The following LACTBL1 variants were observed in gnomAD, a reference collection of about 807,000 sequenced individuals.
LACTBL1 encodes the protein lactamase beta like 1.
In LACTBL1, 29 loss-of-function variants were observed where a neutral mutation model predicts 39.6. That is an observed-to-expected ratio of 0.73 (90% CI 0.55 to 1.00). LACTBL1 has a LOEUF of 1.00. LACTBL1 is among the 50% of genes least tolerant of loss of function. The pLI, the probability that LACTBL1 is intolerant of heterozygous loss-of-function variation, is 0.00. For missense variants in LACTBL1, 711 were observed against 748.5 expected (o/e 0.95, Z 0.59); for synonymous variants, 361 against 360.7 (o/e 1.00, Z -0.01).
chr1:22,958,850 A>T (rs1640788061), exon 4 of LACTBL1: 2 of 1,550,474 alleles, frequency 1.3e-6, no homozygotes, highest in African/African-American at 1.4e-5. Context: ...TCATCTAGGG[A>T]GGCCACGATG....
chr1:22,968,499 T>A (rs1372567223), upstream of LACTBL1, among the ~76,000 whole-genome samples: 1 of 152,224 alleles, frequency 6.6e-6, no homozygotes, highest in African/African-American at 2.4e-5. Flanking sequence ...GTATTTATTG[T>A]ATGTATTTGG....
At chr1:22,962,977 G>T in intron 2 of LACTBL1, 130 bp downstream of exon 4, 1 of 444,640 alleles carries the variant, frequency 2.2e-6, no homozygotes. Context: ...CTCGCACAGA[G>T]TAGATGCTCA....
upstream of LACTBL1, chr1:22,965,436 A>G (rs991116488): frequency 1.7e-5 from 21 of 1,245,206 alleles, no homozygotes; most frequent in Non-Finnish European, 1.8e-5. Context: ...CTGGGAGAGC[A>G]AGGACATAAG....
At chr1:22,972,219 A>G in the LACTBL1 span, 1 of 776,180 alleles carries the variant, frequency 1.3e-6, no homozygotes, top group Non-Finnish European at 1.6e-6. Context: ...ATTTAGCCCA[A>G]TATTTGAAGC....
intron 2 of LACTBL1, among the ~76,000 whole-genome samples, chr1:22,960,796 T>G (rs1021390156): frequency 6.6e-6 from 1 of 152,062 alleles, no homozygotes; most frequent in African/African-American, 2.4e-5. Context: ...TTTATTTGTT[T>G]TTAGATGAAG....
intron 5 of LACTBL1, among the ~76,000 whole-genome samples, chr1:22,954,466 G>A (rs943372965): frequency 2.0e-5 from 3 of 152,176 alleles, no homozygotes; most frequent in African/African-American, 7.2e-5. Context: ...ACCAGCAAGA[G>A]GCCTCTTTTC....
exon 4 of LACTBL1, chr1:22,958,846 A>G (rs754575945): frequency 5.8e-6 from 9 of 1,550,612 alleles, no homozygotes; most frequent in Non-Finnish European, 7.8e-6. Context: ...AGGGTCATCT[A>G]GGGAGGCCAC....
upstream of LACTBL1, among the ~76,000 whole-genome samples, chr1:22,968,418 T>C (rs971632599): frequency 6.6e-6 from 1 of 152,240 alleles, no homozygotes; most frequent in Admixed American, 6.5e-5. Context: ...GTCCCACCTT[T>C]GATTCTCATT....
At chr1:22,953,777 C>T (rs1248237635) in exon 6 of LACTBL1, 5 of 1,503,278 alleles carry the variant, frequency 3.3e-6, no homozygotes, top group Middle Eastern at 2.0e-4. Flanking sequence ...GCCAGGTCGG[C>T]GGCGGTAGAG....
upstream of LACTBL1, among the ~76,000 whole-genome samples, chr1:22,969,158 GT>G (rs1474220320): frequency 1.3e-5 from 2 of 152,086 alleles, no homozygotes; most frequent in African/African-American, 4.8e-5. Flanking sequence ...TGTCTTTTTG[GT>G]TTGCATTGTG....
At chr1:22,972,586 C>T in the LACTBL1 span, among the ~76,000 whole-genome samples, 293 of 152,204 alleles carry the variant, frequency 1.9e-3, 6 homozygotes, top group East Asian at 0.043. Context: ...CCCGGCATCC[C>T]AGTTTGTCCA....
Position 22,963,229 on chromosome 1 carries a change from T to C in LACTBL1, c.50-13A>G. 2 of 1,319,744 alleles carry C rather than the reference T, an allele frequency of 1.5e-6. No homozygotes were observed. The highest frequency in any genetic ancestry group is 9.8e-7 in the Non-Finnish European group (1 of 1,015,386). 81.8% of individuals were successfully genotyped at this position (1,319,744 alleles called of 1,614,324 possible). A position where few individuals can be genotyped will look rare whatever the true frequency, so the allele number is the denominator to read the frequency against. ...GGTCCCAGGGAACCTGGAGGGAACA[T>C]CACATGGTGAGGAGGGGACAGAGAT... On this transcript the variant is annotated splice_polypyrimidine_tract_variant and intron_variant, in intron 1 of 5. Transcript: ENST00000426928.
chr1:22,957,795 C>A (rs907759791), intron 4 of LACTBL1, among the ~76,000 whole-genome samples: 1 of 151,804 alleles, frequency 6.6e-6, no homozygotes, highest in Non-Finnish European at 1.5e-5. Flanking sequence ...GGATTACAGG[C>A]GCAAGCCACC....
chr1:22,966,186 G>A (rs1006914577), upstream of LACTBL1, among the ~76,000 whole-genome samples: 3 of 152,210 alleles, frequency 2.0e-5, no homozygotes, highest in Non-Finnish European at 4.4e-5. Context: ...TAGAACAGTA[G>A]CTGGCACACG....
chr1:22,960,785 TTTTA>T lies in LACTBL1; in HGVS notation c.160-690_160-687del, dbSNP rs1415018569. ...GCACGTTTGTTTGGTTATTTATTTA[TTTTA>T]TTTGTTTTTAGATGAAGTCTCACCA... On this transcript the variant is annotated intron_variant, in intron 2 of 5. Transcript: ENST00000426928. Among the ~76,000 whole-genome samples, 7 of 151,932 alleles carry T rather than the reference TTTTA, an allele frequency of 4.6e-5. No individual in the cohort carries two copies. In the South Asian group the frequency reaches 1.5e-3, roughly 32 times the overall value.
intron 3 of LACTBL1, 93 bp downstream of exon 5, chr1:22,959,849 G>C: frequency 7.0e-7 from 1 of 1,419,552 alleles, no homozygotes; most frequent in South Asian, 1.4e-5. Flanking sequence ...TTAGACCCCA[G>C]CCATGATTCT....
At chr1:22,958,012 T>G (rs1436273118) in intron 4 of LACTBL1, among the ~76,000 whole-genome samples, 1 of 152,158 alleles carries the variant, frequency 6.6e-6, no homozygotes, top group African/African-American at 2.4e-5. Flanking sequence ...CTTTACCCAT[T>G]TTTCTGCTGG....
At chr1:22,972,292 G>C in the LACTBL1 span, 13 of 985,234 alleles carry the variant, frequency 1.3e-5, no homozygotes, top group Non-Finnish European at 1.6e-5. Context: ...AGCTTCTTGA[G>C]GCTGTGCCTC....
exon 6 of LACTBL1, chr1:22,953,649 C>T (rs867053154): frequency 7.9e-6 from 10 of 1,271,850 alleles, no homozygotes; most frequent in Non-Finnish European, 9.9e-6. Context: ...ACGGCGTGCC[C>T]GTCTCGTTGG....
Sources: gnomAD v4.1 joint callset for allele counts (sites outside exome capture counted in the v4.1 genomes callset) on GRCh38, gnomAD v4.1.1 for gene constraint, MANE v1.5 for transcripts, NCBI Gene and HGNC (gene_info 2026-07-23, HGNC 2026-07-21) for gene names.